The following IMMP2L variants were observed in gnomAD, a reference collection of about 807,000 sequenced individuals.
IMMP2L encodes mitochondrial inner membrane protease subunit 2.
IMMP2L carries 18 observed loss-of-function variants against 19.3 expected under a neutral mutation model. The ratio of observed to expected loss-of-function variants is 0.93; its 90% CI spans 0.64 to 1.38. IMMP2L has a LOEUF of 1.38. IMMP2L is among the 40% of genes most tolerant of loss of function. IMMP2L has a pLI of 0.00. For synonymous variants in IMMP2L, 76 were observed against 73.0 expected (o/e 1.04, Z -0.21); for missense variants, 233 against 218.2 (o/e 1.07, Z -0.43).
chr7:110,960,459 G>C (rs1818815630), intron 4 of IMMP2L, among the ~76,000 whole-genome samples: 3 of 151,958 alleles, frequency 2.0e-5, no homozygotes, highest in South Asian at 4.1e-4. Flanking sequence ...TCATACATAT[G>C]TGGTCTTCTG....
chr7:110,982,604 G>A (rs906258849), intron 3 of IMMP2L, among the ~76,000 whole-genome samples: 3 of 151,946 alleles, frequency 2.0e-5, no homozygotes, highest in Non-Finnish European at 4.4e-5. Flanking sequence ...CTAACACAAC[G>A]GGGTTCATGA....
chr7:110,823,374 T>G (rs184021142), intron 5 of IMMP2L, among the ~76,000 whole-genome samples: 38 of 152,152 alleles, frequency 2.5e-4, no homozygotes, highest in African/African-American at 8.9e-4. Context: ...TTACATTACT[T>G]GACTCTTGAC....
intron 2 of IMMP2L, among the ~76,000 whole-genome samples, chr7:111,490,836 G>T (rs1391413227): frequency 6.6e-6 from 1 of 152,148 alleles, no homozygotes; most frequent in Non-Finnish European, 1.5e-5. Context: ...AGCCAGACAT[G>T]TTAAGTGCTT....
At chr7:110,769,708 G>A (rs540050455) in intron 5 of IMMP2L, among the ~76,000 whole-genome samples, 7 of 151,470 alleles carry the variant, frequency 4.6e-5, no homozygotes, top group African/African-American at 1.7e-4. Context: ...GAAAACGAAC[G>A]GAAGAAGAAA....
intron 4 of IMMP2L, among the ~76,000 whole-genome samples, chr7:110,946,924 G>A (rs892009980): frequency 1.3e-5 from 2 of 151,912 alleles, no homozygotes; most frequent in African/African-American, 2.4e-5. Context: ...GTTTCACCGT[G>A]TTAGTCAGGA....
intron 3 of IMMP2L, among the ~76,000 whole-genome samples, chr7:111,238,104 T>G (rs1814556265): frequency 6.6e-6 from 1 of 152,082 alleles, no homozygotes; most frequent in African/African-American, 2.4e-5. Context: ...AAGGTCAGTC[T>G]TCTGGTATGT....
chr7:111,070,171 A>G (rs1000297579), intron 3 of IMMP2L, among the ~76,000 whole-genome samples: 1 of 152,240 alleles, frequency 6.6e-6, no homozygotes, highest in African/African-American at 2.4e-5. Context: ...TAAAGTCCAA[A>G]GAATCTTTGA....
intron 3 of IMMP2L, among the ~76,000 whole-genome samples, chr7:111,473,035 T>C (rs866493172): frequency 1.3e-5 from 2 of 152,060 alleles, no homozygotes; most frequent in Non-Finnish European, 2.9e-5. Context: ...TTTGTACGTA[T>C]ACCCTATATT....
intron 3 of IMMP2L, among the ~76,000 whole-genome samples, chr7:111,238,238 G>T (rs1226743695): frequency 6.6e-6 from 1 of 152,122 alleles, no homozygotes; most frequent in East Asian, 1.9e-4. Context: ...CAGGCTGGAA[G>T]TCTGGAAATA....
At chr7:111,474,362 T>A (rs568533411) in intron 3 of IMMP2L, among the ~76,000 whole-genome samples, 1 of 152,070 alleles carries the variant, frequency 6.6e-6, no homozygotes, top group East Asian at 1.9e-4. Context: ...CACAATATGA[T>A]AAAGTGTGCT....
intron 3 of IMMP2L, among the ~76,000 whole-genome samples, chr7:111,331,303 G>A (rs921194492): frequency 4.0e-5 from 6 of 151,862 alleles, no homozygotes. Flanking sequence ...AGAACATTAT[G>A]CTAAGTGAAA....
intron 5 of IMMP2L, among the ~76,000 whole-genome samples, chr7:110,873,687 T>A (rs1201992385): frequency 2.8e-4 from 41 of 148,416 alleles, no homozygotes; most frequent in Admixed American, 2.7e-3. Flanking sequence ...AGAAGGAGAA[T>A]CCCTTGAACC....
At chr7:111,127,170 GTTAGAAT>G (rs1271718406) in intron 3 of IMMP2L, among the ~76,000 whole-genome samples, 1 of 152,158 alleles carries the variant, frequency 6.6e-6, no homozygotes, top group Non-Finnish European at 1.5e-5. Flanking sequence ...AGAGGCTGAC[GTTAGAAT>G]TTATCAGCCA....
In IMMP2L at chr7:110,663,063, GTTTTA is replaced by G. The variant is rs1025293959; in HGVS notation, c.*534_*538del. The G allele has an allele frequency of 3.9e-5, 6 of 153,382 alleles. No homozygotes were observed. Among genetic ancestry groups the G allele is most frequent in the African/African-American group, 1.4e-4 (6 of 41,440 alleles). The allele number at this position is 153,382 out of a possible 1,614,324, so 9.5% of individuals were successfully genotyped here. On this transcript the variant is annotated 3_prime_UTR_variant, in exon 6 of 6. Coordinates refer to ENST00000405709, the MANE Select transcript of IMMP2L (RefSeq NM_032549.4). ...CAAAACAGGACCTTAGCAAATCATT[GTTTTA>G]TTTTAACATCACTGTTTACTGTTCT...
At chr7:111,479,078 T>A (rs1294990753) in intron 3 of IMMP2L, among the ~76,000 whole-genome samples, 1 of 152,138 alleles carries the variant, frequency 6.6e-6, no homozygotes, top group Non-Finnish European at 1.5e-5. Flanking sequence ...GCTTAGAGTG[T>A]TTTACCAGGG....
At chr7:111,298,576 C>A (rs1821869072) in intron 3 of IMMP2L, among the ~76,000 whole-genome samples, 1 of 151,696 alleles carries the variant, frequency 6.6e-6, no homozygotes, top group African/African-American at 2.4e-5. Flanking sequence ...ATGGTGAAAC[C>A]CCATCTCTAC....
intron 2 of IMMP2L, among the ~76,000 whole-genome samples, chr7:111,502,835 A>C (rs1844438024): frequency 6.6e-6 from 1 of 151,434 alleles, no homozygotes; most frequent in Admixed American, 6.6e-5. Context: ...GCAGAGGGAA[A>C]TTTATAGCAC....
chr7:111,224,029 A>G (rs115890994), intron 3 of IMMP2L, among the ~76,000 whole-genome samples: 18 of 152,252 alleles, frequency 1.2e-4, no homozygotes, highest in African/African-American at 4.3e-4. Flanking sequence ...GAAACTGAAT[A>G]TAGAAAACAG....
chr7:111,478,647 A>T (rs2132175459), intron 3 of IMMP2L, among the ~76,000 whole-genome samples: 1 of 152,174 alleles, frequency 6.6e-6, no homozygotes, highest in African/African-American at 2.4e-5. Context: ...GCTGGTCTCA[A>T]ACTCCTGAGC....
Sources: gnomAD v4.1 joint callset for allele counts (sites outside exome capture counted in the v4.1 genomes callset) on GRCh38, gnomAD v4.1.1 for gene constraint, MANE v1.5 for transcripts, NCBI Gene and HGNC (gene_info 2026-07-23, HGNC 2026-07-21) for gene names.